Variants in FARS2 observed in about 807,000 individuals in gnomAD.
FARS2 encodes the protein phenylalanyl-tRNA synthetase 2, mitochondrial.
In FARS2, 40 loss-of-function variants were observed where a neutral mutation model predicts 46.4. That is an observed-to-expected ratio of 0.86 (90% CI 0.67 to 1.12). FARS2 has a LOEUF of 1.12. Ranked by LOEUF, FARS2 falls within the 50% of genes most tolerant of loss-of-function variation. The probability of loss-of-function intolerance (pLI) is 0.00; values close to 1 mark genes in which losing one functional copy is unlikely to be tolerated. For missense variants in FARS2, 513 were observed against 567.9 expected, an observed-to-expected ratio of 0.90 and a Z score of 0.98; for synonymous variants, 234 against 214.9, an observed-to-expected ratio of 1.09 and a Z score of -0.78.
intron 6 of FARS2, among the ~76,000 whole-genome samples, chr6:5,615,028 T>C (rs1025421187): frequency 1.3e-5 from 2 of 152,234 alleles, no homozygotes; most frequent in Non-Finnish European, 2.9e-5. Flanking sequence ...TTGCTTTTTG[T>C]TTTAAAGGAT....
intron 1 of FARS2, among the ~76,000 whole-genome samples, chr6:5,357,577 G>C (rs1201986820): frequency 6.6e-6 from 1 of 152,184 alleles, no homozygotes; most frequent in Non-Finnish European, 1.5e-5. Context: ...TTTGCATAGA[G>C]GTAAAACATC....
At chr6:5,268,127 G>A (rs1202105791) in intron 1 of FARS2, among the ~76,000 whole-genome samples, 1 of 152,036 alleles carries the variant, frequency 6.6e-6, no homozygotes, top group Middle Eastern at 3.2e-3. Context: ...TGGATAGATT[G>A]CAAAAATTTT....
chr6:5,574,613 A>G (rs1304529947), intron 5 of FARS2, among the ~76,000 whole-genome samples: 1 of 152,190 alleles, frequency 6.6e-6, no homozygotes. Context: ...GATTCTCATT[A>G]TTTGCAGTAA....
intron 6 of FARS2, among the ~76,000 whole-genome samples, chr6:5,733,070 A>G (rs563456936): frequency 6.6e-6 from 1 of 152,288 alleles, no homozygotes; most frequent in African/African-American, 2.4e-5. Context: ...TTTCCCAGAA[A>G]GAGGTTTTGT....
In FARS2 at chr6:5,666,863, A is replaced by T. The variant is rs537222628; in HGVS notation, c.1217+53543A>T. Among the ~76,000 whole-genome samples, 6 of 152,374 alleles carry T rather than the reference A, an allele frequency of 3.9e-5. No homozygotes were observed. The South Asian group carries it at 1.0e-3, about 26-fold the overall frequency. The stretch of plus-strand genomic sequence containing the variant: ...ACGAGATAAAGAAAATGTGGTACAT[A>T]TGCACCGTGGAATACTATGCAACCA... On this transcript the variant is annotated intron_variant, in intron 6 of 6. Coordinates refer to ENST00000274680, the MANE Select transcript of FARS2 (RefSeq NM_006567.5).
At chr6:5,367,995 T>A (rs924179873) in intron 1 of FARS2, among the ~76,000 whole-genome samples, 4 of 152,250 alleles carry the variant, frequency 2.6e-5, no homozygotes, top group Non-Finnish European at 5.9e-5. Flanking sequence ...TCTAGTGAAG[T>A]AATACAGAAG....
In FARS2 at chr6:5,471,578, ATAGC is replaced by A. The variant is rs1253800654; in HGVS notation, c.904+40409_904+40412del. Among the ~76,000 whole-genome samples, 1 of 152,242 alleles carries A rather than the reference ATAGC, an allele frequency of 6.6e-6. No homozygotes were observed. Among genetic ancestry groups the A allele is most frequent in the African/African-American group, 2.4e-5 (1 of 41,468 alleles). On this transcript the variant is annotated intron_variant, in intron 4 of 6. Coordinates refer to ENST00000274680, the MANE Select transcript of FARS2 (RefSeq NM_006567.5). This position sits in a 1 kb window ranked among gnomAD's most constrained non-coding sequence, Gnocchi z 4.1. ...TTTTAAAATTAATCCCTTTTGTTAG[ATAGC>A]TATTCTAGTGGCTCTTTGCTTTTAA...
chr6:5,354,531 T>A (rs79385418), intron 1 of FARS2, among the ~76,000 whole-genome samples: 1 of 150,542 alleles, frequency 6.6e-6, no homozygotes, highest in Non-Finnish European at 1.5e-5. Context: ...TTTTTTTTTT[T>A]GAGATGGAGT....
At chr6:5,563,654 C>G (rs1432351571) in intron 5 of FARS2, among the ~76,000 whole-genome samples, 2 of 152,100 alleles carry the variant, frequency 1.3e-5, no homozygotes, top group Non-Finnish European at 2.9e-5. Flanking sequence ...ATCTAAGGAT[C>G]CTTGGAAGAA....
chr6:5,611,722 T>C (rs1033258853), intron 5 of FARS2, among the ~76,000 whole-genome samples: 2 of 152,218 alleles, frequency 1.3e-5, no homozygotes, highest in African/African-American at 4.8e-5. Context: ...TTTAATAATG[T>C]CTTGGGGCAT....
At chr6:5,469,571 G>GA (rs1160368567) in intron 4 of FARS2, among the ~76,000 whole-genome samples, 2 of 152,202 alleles carry the variant, frequency 1.3e-5, no homozygotes, top group African/African-American at 4.8e-5. Context: ...TAGTTGTGTA[G>GA]AATGTTCTGT....
chr6:5,326,525 G>C (rs915761563), intron 1 of FARS2, among the ~76,000 whole-genome samples: 28 of 152,330 alleles, frequency 1.8e-4, no homozygotes, highest in African/African-American at 6.5e-4. Context: ...TTTAGCCAGG[G>C]CAGGTCTGGT....
At chr6:5,267,532 C>T (rs938472194) in intron 1 of FARS2, among the ~76,000 whole-genome samples, 3 of 151,918 alleles carry the variant, frequency 2.0e-5, no homozygotes, top group Non-Finnish European at 4.4e-5. Context: ...AGGTGAATCA[C>T]GAGGTCAGGA....
At position 5,621,842 on chromosome 6, in the gene FARS2, C is replaced by G. The variant is rs372302348; in HGVS notation, c.1217+8522C>G. ...AAGCTCTTCAGAACTGAGGGAAGGTCTAAGGGCCAGAGACCCTCAGCCTCT... is the reference window on the plus strand; with the variant it reads ...AAGCTCTTCAGAACTGAGGGAAGGTGTAAGGGCCAGAGACCCTCAGCCTCT... On this transcript the variant is annotated intron_variant, in intron 6 of 6. Coordinates refer to ENST00000274680, the MANE Select transcript of FARS2 (RefSeq NM_006567.5). Among the ~76,000 whole-genome samples, 153 of 152,328 alleles carry G rather than the reference C, an allele frequency of 1.0e-3. 1 individual carries two copies. The South Asian group carries it at 0.017, about 17-fold the overall frequency.
At position 5,297,312 on chromosome 6, in the gene FARS2, A is replaced by G. The variant is rs116780963; in HGVS notation, c.-22+35652A>G. ...GCCTTCAGAGTTCATGTTATGAAGG[A>G]TTCGTAGAGTTCGCTCTTTTTAAAT... On this transcript the variant is annotated intron_variant, in intron 1 of 6. Coordinates refer to ENST00000274680, the MANE Select transcript of FARS2 (RefSeq NM_006567.5). 4.7e-3 allele frequency among the ~76,000 whole-genome samples: 722 copies of G among 152,308 alleles called. 7 individuals carry two copies. The highest frequency in any genetic ancestry group is 0.016 in the African/African-American group (648 of 41,570).
chr6:5,284,609 C>T (rs1269455427), intron 1 of FARS2, among the ~76,000 whole-genome samples: 1 of 152,194 alleles, frequency 6.6e-6, no homozygotes, highest in African/African-American at 2.4e-5. Flanking sequence ...ACTGGAACTA[C>T]TTTTCAGAGA....
At chr6:5,401,596 A>G (rs1017980354) in intron 2 of FARS2, among the ~76,000 whole-genome samples, 1 of 152,068 alleles carries the variant, frequency 6.6e-6, no homozygotes, top group African/African-American at 2.4e-5. Flanking sequence ...AAATTTTCCT[A>G]GTTATTTATT....
chr6:5,550,430 A>G (rs1036877176), intron 5 of FARS2, among the ~76,000 whole-genome samples: 1 of 152,016 alleles, frequency 6.6e-6, no homozygotes, highest in Non-Finnish European at 1.5e-5. Flanking sequence ...ACGCCCAGCC[A>G]ATTTTTTGTG....
At chr6:5,754,466 T>C (rs901864896) in intron 6 of FARS2, among the ~76,000 whole-genome samples, 4 of 152,198 alleles carry the variant, frequency 2.6e-5, no homozygotes, top group Non-Finnish European at 4.4e-5. Flanking sequence ...TTTAAAACAG[T>C]CTTGCCAGAG....
Sources: gnomAD v4.1 joint callset for allele counts (sites outside exome capture counted in the v4.1 genomes callset) on GRCh38, gnomAD v4.1.1 for gene constraint, Gnocchi (gnomAD v3.1) non-coding constraint, MANE v1.5 for transcripts, NCBI Gene and HGNC (gene_info 2026-07-23, HGNC 2026-07-21) for gene names.